Variants in DLC1 observed in about 807,000 individuals in gnomAD.
DLC1 encodes the protein DLC1 Rho GTPase activating protein, also known as rho GTPase-activating protein 7.
A neutral mutation model predicts 140.3 loss-of-function variants in DLC1; 54 were observed. The observed-to-expected ratio is 0.38, with a 90% CI of 0.31 to 0.48. The LOEUF is 0.48. Ranked by LOEUF, DLC1 falls within the 20% of genes least tolerant of loss-of-function variation. DLC1 has a pLI of 0.96. For missense variants in DLC1, 2,536 were observed against 1,907.0 expected (o/e 1.33, Z -6.14); for synonymous variants, 986 against 728.1 (o/e 1.35, Z -5.70).
At chr8:13,508,677 C>T (rs1162996692) in intron 1 of DLC1, among the ~76,000 whole-genome samples, 1 of 152,120 alleles carries the variant, frequency 6.6e-6, no homozygotes, top group Non-Finnish European at 1.5e-5. Flanking sequence ...CTCGGCCTCC[C>T]AAAGTGCTGG....
intron 1 of DLC1, among the ~76,000 whole-genome samples, chr8:13,553,199 C>A (rs552599696): frequency 9.1e-6 from 1 of 109,868 alleles, no homozygotes; most frequent in Non-Finnish European, 1.8e-5. Context: ...TACCTGCCAG[C>A]TGTCATATAT....
chr8:13,097,508 C>T (rs931283741), intron 10 of DLC1, among the ~76,000 whole-genome samples: 1 of 152,086 alleles, frequency 6.6e-6, no homozygotes, highest in African/African-American at 2.4e-5. Context: ...ATGTGATCCA[C>T]CTATGTCAGA....
At position 13,095,993 on chromosome 8, in the gene DLC1, C is replaced by G. The variant is rs1818468718; in HGVS notation, c.3168-748G>C. On this transcript the variant is annotated intron_variant, in intron 10 of 17. Transcript: ENST00000276297. ...GTTTTGTGAGCCGACCCCAGGCTCC[C>G]TGGTGTCCTGAAACCAGGTCCACCC... 2 of 152,226 alleles carry G rather than the reference C, an allele frequency of 1.3e-5. 1 individual carries two copies. Among genetic ancestry groups the G allele is most frequent in the South Asian group, 4.1e-4 (2 of 4,830 alleles). 9.4% of individuals were successfully genotyped at this position (152,226 alleles called of 1,614,324 possible). A position where few individuals can be genotyped will look rare whatever the true frequency, so the allele number is the denominator to read the frequency against.
intron 1 of DLC1, among the ~76,000 whole-genome samples, chr8:13,594,580 C>G (rs914195754): frequency 6.6e-6 from 1 of 152,066 alleles, no homozygotes; most frequent in Non-Finnish European, 1.5e-5. Flanking sequence ...GTCTGTAACC[C>G]TCATTTTAAT....
chr8:13,511,726 T>C (rs111235197), intron 1 of DLC1, among the ~76,000 whole-genome samples: 9 of 152,276 alleles, frequency 5.9e-5, no homozygotes, highest in Admixed American at 1.3e-4. Context: ...CATGTGCAAT[T>C]CTTGACATGT....
intron 3 of DLC1, among the ~76,000 whole-genome samples, chr8:13,400,292 C>T (rs1837236822): frequency 6.6e-6 from 1 of 152,076 alleles, no homozygotes; most frequent in Non-Finnish European, 1.5e-5. Context: ...CCGTGCGGTA[C>T]TTCTTATATA....
intron 4 of DLC1, among the ~76,000 whole-genome samples, chr8:13,350,416 G>T (rs972544433): frequency 1.3e-5 from 2 of 151,962 alleles, no homozygotes; most frequent in African/African-American, 2.4e-5. Context: ...GAAGTGCTAA[G>T]TATAAAGAAA....
At position 13,115,664 on chromosome 8, in the gene DLC1, C is replaced by G; in HGVS notation, c.1349-7G>C. The G allele has an allele frequency of 6.2e-7, 1 of 1,613,736 alleles. No homozygotes were observed. Among genetic ancestry groups the G allele is most frequent in the African/African-American group, 1.3e-5 (1 of 74,998 alleles). On this transcript the variant is annotated splice_region_variant and splice_polypyrimidine_tract_variant and intron_variant, in intron 5 of 17. Coordinates refer to ENST00000276297, the MANE Select transcript of DLC1 (RefSeq NM_182643.3). ...GCTTCCTTGGCTTCAATTTCTAGAA[C>G]AGAACAGAAGAAAGACAAAATTAGC...
chr8:13,234,427 A>G (rs1829190348), intron 5 of DLC1, among the ~76,000 whole-genome samples: 1 of 152,136 alleles, frequency 6.6e-6, no homozygotes. Flanking sequence ...GTTTACACAA[A>G]TATCCTAGTT....
chr8:13,586,154 G>T (rs944158895), intron 1 of DLC1, among the ~76,000 whole-genome samples: 3 of 152,078 alleles, frequency 2.0e-5, no homozygotes, highest in African/African-American at 7.2e-5. Flanking sequence ...CAGTATTGTT[G>T]TATAAAAGCT....
rs115839442 is a variant in DLC1, at chr8:13,369,306, T to C, written c.1314+24247A>G. ...AGATTCATTCTTTCTATTTAACCTA[T>C]TGATACCTCCTTTCATAGTCTCGCA... On this transcript the variant is annotated intron_variant, in intron 4 of 17. Coordinates refer to ENST00000276297, the MANE Select transcript of DLC1 (RefSeq NM_182643.3). Among the ~76,000 whole-genome samples, 1,433 of 148,042 alleles carry C rather than the reference T, an allele frequency of 9.7e-3. 21 individuals carry two copies. Among genetic ancestry groups the C allele is most frequent in the African/African-American group, 0.034 (1,352 of 39,600 alleles).
At chr8:13,383,258 G>C (rs955641472) in intron 4 of DLC1, among the ~76,000 whole-genome samples, 3 of 152,184 alleles carry the variant, frequency 2.0e-5, no homozygotes. Flanking sequence ...GATTTGTATA[G>C]ACCAGTGACA....
chr8:13,555,461 T>G (rs576339868), intron 1 of DLC1, among the ~76,000 whole-genome samples: 2 of 152,288 alleles, frequency 1.3e-5, no homozygotes, highest in Admixed American at 1.3e-4. Flanking sequence ...TAGGTGGCTT[T>G]CATTTTATGT....
At chr8:13,186,129 G>A (rs1253950151) in intron 5 of DLC1, among the ~76,000 whole-genome samples, 1 of 152,032 alleles carries the variant, frequency 6.6e-6, no homozygotes, top group Non-Finnish European at 1.5e-5. Flanking sequence ...ATGTGTCTTG[G>A]GGTTGGTCTT....
intron 4 of DLC1, among the ~76,000 whole-genome samples, chr8:13,310,411 CA>C (rs34657356): frequency 9.9e-5 from 15 of 150,956 alleles, no homozygotes; most frequent in South Asian, 2.1e-4. Flanking sequence ...ATTTGTTCCA[CA>C]AAAAAAAATT....
At chr8:13,229,266 C>A (rs1304713627) in intron 5 of DLC1, among the ~76,000 whole-genome samples, 1 of 152,110 alleles carries the variant, frequency 6.6e-6, no homozygotes, top group Non-Finnish European at 1.5e-5. Context: ...CAAAGAAATA[C>A]AATATTGATC....
chr8:13,151,749 A>C (rs867819494), intron 5 of DLC1, among the ~76,000 whole-genome samples: 1 of 152,206 alleles, frequency 6.6e-6, no homozygotes, highest in Non-Finnish European at 1.5e-5. Flanking sequence ...CAAAATGAAA[A>C]TGATGTGAAG....
chr8:13,551,390 T>C lies in DLC1; in HGVS notation c.-125-51194A>G, dbSNP rs1585265909. Among the ~76,000 whole-genome samples the C allele has an allele frequency of 1.3e-5, 2 of 152,172 alleles. 1 individual carries two copies. The highest frequency in any genetic ancestry group is 1.3e-4 in the Admixed American group (2 of 15,256). Reference sequence around the variant, plus strand: ...GATCTAGTTCTAGATTTTGAATTTTTATTATGAATTTCCATATCTCTGTTT... The same window carrying C: ...GATCTAGTTCTAGATTTTGAATTTTCATTATGAATTTCCATATCTCTGTTT... On this transcript the variant is annotated intron_variant, in intron 1 of 1. Coordinates refer to the DLC1 transcript ENST00000631382.
intron 4 of DLC1, among the ~76,000 whole-genome samples, chr8:13,362,129 G>C (rs536037101): frequency 6.6e-6 from 1 of 152,334 alleles, no homozygotes; most frequent in East Asian, 1.9e-4. Context: ...GAACCATTTT[G>C]CAAGGCAGAG....
Sources: allele counts gnomAD v4.1 joint callset (sites outside exome capture counted in the v4.1 genomes callset), GRCh38; gene constraint gnomAD v4.1.1; transcripts MANE v1.5; gene names NCBI Gene and HGNC (gene_info 2026-07-23, HGNC 2026-07-21).